The following CDIN1 variants were observed in gnomAD, a reference collection of about 807,000 sequenced individuals.
The protein encoded by CDIN1 is CDAN1 interacting nuclease 1.
In CDIN1, 33 loss-of-function variants were observed where a neutral mutation model predicts 45.3. The observed-to-expected ratio is 0.73, with a 90% confidence interval of 0.55 to 0.97. CDIN1 has a LOEUF of 0.97. Ranked by LOEUF, CDIN1 falls within the 50% of genes least tolerant of loss-of-function variation. The probability of loss-of-function intolerance (pLI) is 0.00; values close to 1 mark genes in which losing one functional copy is unlikely to be tolerated. For synonymous variants in CDIN1, 118 were observed against 124.4 expected (o/e 0.95, Z 0.34); for missense variants, 303 against 339.4 (o/e 0.89, Z 0.84).
chr15:36,591,498 C>G (rs755874837), intron 1 of CDIN1, among the ~76,000 whole-genome samples: 25 of 152,106 alleles, frequency 1.6e-4, no homozygotes, highest in Non-Finnish European at 3.4e-4. Flanking sequence ...TAGCTGTTTC[C>G]TAATGGATGA....
intron 1 of CDIN1, among the ~76,000 whole-genome samples, chr15:36,608,694 A>G (rs897216252): frequency 2.6e-5 from 4 of 152,220 alleles, no homozygotes; most frequent in East Asian, 1.9e-4. Context: ...CAGAAGATAA[A>G]TATAGAGATA....
intron 5 of CDIN1, among the ~76,000 whole-genome samples, chr15:36,662,828 T>C (rs1045187138): frequency 2.0e-5 from 3 of 147,916 alleles, no homozygotes; most frequent in African/African-American, 7.4e-5. Flanking sequence ...CTGAAATGTC[T>C]GGGACCAGAA....
chr15:36,711,008 G>A (rs1219031480), intron 10 of CDIN1, among the ~76,000 whole-genome samples: 1 of 152,122 alleles, frequency 6.6e-6, no homozygotes, highest in African/African-American at 2.4e-5. Context: ...AATTGTGCGT[G>A]GCATCCGAGC....
In CDIN1 at chr15:36,764,131, A is replaced by G. The variant is rs571972038; in HGVS notation, c.717-44193A>G. The stretch of plus-strand genomic sequence containing the variant: ...TGAGTTGTTTTACCTGTTGTGATAA[A>G]TTAGCAAAGCCAATAGGCCAATCCA... On this transcript the variant is annotated intron_variant, in intron 10 of 10. Coordinates refer to ENST00000566621, the MANE Select transcript of CDIN1 (RefSeq NM_001321759.2). Among the ~76,000 whole-genome samples the G allele has an allele frequency of 2.0e-5, 3 of 152,110 alleles. No individual in the cohort carries two copies. The East Asian group carries it at 5.8e-4, about 29-fold the overall frequency.
intron 10 of CDIN1, among the ~76,000 whole-genome samples, chr15:36,795,101 G>A (rs1010010836): frequency 4.6e-5 from 7 of 152,196 alleles, no homozygotes; most frequent in African/African-American, 1.4e-4. Context: ...TGGGGGTAAA[G>A]AGTAGAGTGA....
At chr15:36,764,214 G>GTTTT (rs11297312) in intron 10 of CDIN1, among the ~76,000 whole-genome samples, 2 of 116,292 alleles carry the variant, frequency 1.7e-5, no homozygotes, top group African/African-American at 6.1e-5. Context: ...TGTGGTTTTG[G>GTTTT]TTTTTTTTTT....
At chr15:36,786,846 A>T (rs1187477018) in intron 10 of CDIN1, among the ~76,000 whole-genome samples, 1 of 151,576 alleles carries the variant, frequency 6.6e-6, no homozygotes, top group Non-Finnish European at 1.5e-5. Context: ...ATCCTTTTTG[A>T]CCACTCTCCT....
chr15:36,660,669 T>C (rs1207108932), intron 5 of CDIN1, among the ~76,000 whole-genome samples: 1 of 152,198 alleles, frequency 6.6e-6, no homozygotes, highest in Admixed American at 6.5e-5. Context: ...AACAATTTTG[T>C]TGTACACATT....
chr15:36,788,106 A>ATATATATATAT (rs1343541345), intron 10 of CDIN1, among the ~76,000 whole-genome samples: 4 of 50,552 alleles, frequency 7.9e-5, no homozygotes, highest in African/African-American at 3.1e-4. Context: ...ATATATATAT[A>ATATATATATAT]TTTTTTTTTT....
intron 10 of CDIN1, among the ~76,000 whole-genome samples, chr15:36,791,618 G>C (rs2054647841): frequency 6.6e-6 from 1 of 151,850 alleles, no homozygotes; most frequent in Non-Finnish European, 1.5e-5. Context: ...GAAGACATTG[G>C]ACATAATATT....
chr15:36,593,649 C>T lies in CDIN1; in HGVS notation c.101+13688C>T, dbSNP rs550022273. On this transcript the variant is annotated intron_variant, in intron 1 of 10. Transcript: ENST00000566621. ...CGTGATCTCGGCTCACTGCAGACTC[C>T]ACCTCCTGGGTTCACAGCATTCTCC... Among the ~76,000 whole-genome samples the T allele has an allele frequency of 3.9e-5, 6 of 152,160 alleles. No homozygotes were observed. The South Asian group carries it at 1.2e-3, about 32-fold the overall frequency.
intron 10 of CDIN1, among the ~76,000 whole-genome samples, chr15:36,729,311 G>GT (rs2043757076): frequency 6.6e-6 from 1 of 152,086 alleles, no homozygotes; most frequent in Non-Finnish European, 1.5e-5. Flanking sequence ...ATATTTTATT[G>GT]TAAGAGCTAT....
At chr15:36,793,281 A>G (rs990325275) in intron 10 of CDIN1, among the ~76,000 whole-genome samples, 1 of 152,148 alleles carries the variant, frequency 6.6e-6, no homozygotes, top group African/African-American at 2.4e-5. Context: ...TTGCCTCACC[A>G]AAACATGGCC....
Position 36,808,654 on chromosome 15 carries a change from G to T in CDIN1, c.*201G>T. 3 of 657,204 alleles carry T rather than the reference G, an allele frequency of 4.6e-6. No homozygotes were observed. The South Asian group carries it at 5.7e-5, about 13-fold the overall frequency. 40.7% of individuals were successfully genotyped at this position (657,204 alleles called of 1,614,324 possible). A position where few individuals can be genotyped will look rare whatever the true frequency, so the allele number is the denominator to read the frequency against. On this transcript the variant is annotated 3_prime_UTR_variant, in exon 11 of 11. Transcript: ENST00000566621. Reference sequence around the variant, plus strand: ...ATCCCTTGCTGATGTGAACAGCCAAGAACTACAGACACAACCCACTCATTA... The same window carrying T: ...ATCCCTTGCTGATGTGAACAGCCAATAACTACAGACACAACCCACTCATTA...
intron 4 of CDIN1, among the ~76,000 whole-genome samples, chr15:36,657,165 G>A (rs1391357097): frequency 6.6e-6 from 1 of 152,000 alleles, no homozygotes; most frequent in East Asian, 1.9e-4. Flanking sequence ...TACCACCCTG[G>A]GATCTGTATT....
At chr15:36,780,086 T>C (rs911395321) in intron 10 of CDIN1, among the ~76,000 whole-genome samples, 29 of 152,102 alleles carry the variant, frequency 1.9e-4, no homozygotes, top group African/African-American at 7.0e-4. Flanking sequence ...TCCTGTGCAC[T>C]GAAGCACCCG....
Position 36,809,242 on chromosome 15 carries a change from A to G in CDIN1, c.*789A>G, listed in dbSNP as rs2055327908. 4.0e-6 allele frequency: 1 copy of G among 253,118 alleles called. No homozygotes were observed. Among genetic ancestry groups the G allele is most frequent in the Admixed American group, 5.0e-5 (1 of 20,014 alleles). 15.7% of individuals were successfully genotyped at this position (253,118 alleles called of 1,614,324 possible). On this transcript the variant is annotated 3_prime_UTR_variant, in exon 11 of 11. Transcript: ENST00000566621. Reference sequence around the variant, plus strand: ...GGGGGCCGAGAGGCGACAACCCAACATTGAGGAGAGTTTATTTTTAAACAT... The same window carrying G: ...GGGGGCCGAGAGGCGACAACCCAACGTTGAGGAGAGTTTATTTTTAAACAT...
rs147812563 is a variant in CDIN1, at chr15:36,598,675, C to G, written c.101+18714C>G. Reference sequence around the variant, plus strand: ...GTCTAATCTATTTCCCTCCCTTCCTCCCTTTCTATTTTCCTCTCTCCTTCC... The same window carrying G: ...GTCTAATCTATTTCCCTCCCTTCCTGCCTTTCTATTTTCCTCTCTCCTTCC... On this transcript the variant is annotated intron_variant, in intron 1 of 10. Coordinates refer to ENST00000566621, the MANE Select transcript of CDIN1 (RefSeq NM_001321759.2). Among the ~76,000 whole-genome samples the G allele has an allele frequency of 8.5e-3, 1,297 of 152,150 alleles. 21 individuals carry two copies. Among genetic ancestry groups the G allele is most frequent in the African/African-American group, 0.03 (1,261 of 41,512 alleles).
intron 10 of CDIN1, among the ~76,000 whole-genome samples, chr15:36,757,753 T>C (rs374417165): frequency 6.6e-6 from 1 of 152,038 alleles, no homozygotes; most frequent in Admixed American, 6.6e-5. Context: ...CAGATGATCC[T>C]CCTCCTGACC....
Sources: allele counts gnomAD v4.1 joint callset (sites outside exome capture counted in the v4.1 genomes callset), GRCh38; gene constraint gnomAD v4.1.1; transcripts MANE v1.5; gene names NCBI Gene and HGNC (gene_info 2026-07-23, HGNC 2026-07-21).